PARP15: variants seen among roughly 807,000 people sequenced by gnomAD.
The protein encoded by PARP15 is protein mono-ADP-ribosyltransferase PARP15.
PARP15 carries 50 observed loss-of-function variants against 62.1 expected under a neutral mutation model. That is an observed-to-expected ratio of 0.81 (90% CI 0.64 to 1.02). The LOEUF (loss-of-function observed/expected upper bound fraction) is 1.02. PARP15 is among the 50% of genes least tolerant of loss of function. The pLI is 0.00. For missense variants in PARP15, 820 were observed against 826.5 expected (o/e 0.99, Z 0.10); for synonymous variants, 309 against 293.1 (o/e 1.05, Z -0.55).
chr3:122,632,038 G>A (rs184841032), intron 9 of PARP15, 48 bp from the exon 10 acceptor site: 1 of 1,612,364 alleles, frequency 6.2e-7, no homozygotes, highest in East Asian at 2.2e-5. Context: ...GATTTTCAGA[G>A]GTCTTTGGAA....
chr3:122,604,969 G>A (rs559338153), intron 1 of PARP15, among the ~76,000 whole-genome samples: 1 of 152,216 alleles, frequency 6.6e-6, no homozygotes, highest in Non-Finnish European at 1.5e-5. Flanking sequence ...CCGGGAGGCA[G>A]AGGTTGCAGT....
chr3:122,626,781 T>C, intron 8 of PARP15, 46 bp from the exon 9 acceptor site: 1 of 1,556,108 alleles, frequency 6.4e-7, no homozygotes, highest in South Asian at 1.2e-5. Flanking sequence ...TTCATCATAT[T>C]AGCAACATCG....
intron 5 of PARP15, 128 bp from the exon 6 acceptor site, chr3:122,616,887 C>T (rs2107555859): frequency 1.0e-6 from 1 of 979,048 alleles, no homozygotes; most frequent in Non-Finnish European, 1.5e-6. Context: ...GGAGATGTGG[C>T]AATATTTCGG....
chr3:122,616,031 T>A (rs980582168), intron 5 of PARP15, among the ~76,000 whole-genome samples, 174 bp downstream of exon 5: 3 of 152,222 alleles, frequency 2.0e-5, no homozygotes, highest in Non-Finnish European at 4.4e-5. Flanking sequence ...CAATCGCATA[T>A]TAACATGAAC....
In PARP15 at chr3:122,638,852, C is replaced by G. The variant is rs1937488000; in HGVS notation, c.*2752C>G. The G allele has an allele frequency of 6.6e-6, 1 of 151,988 alleles. No homozygotes were observed. The highest frequency in any genetic ancestry group is 1.5e-5 in the Non-Finnish European group (1 of 68,006). The allele number at this position is 151,988 out of a possible 1,614,324, so 9.4% of individuals were successfully genotyped here. ...TTTTCATTAAACATTACAAGTTGTTCTCTTGTGTTCTTATTTTTTCTGTAA... is the reference window on the plus strand; with the variant it reads ...TTTTCATTAAACATTACAAGTTGTTGTCTTGTGTTCTTATTTTTTCTGTAA... On this transcript the variant is annotated 3_prime_UTR_variant, in exon 12 of 12. Transcript: ENST00000464300.
At chr3:122,610,083 T>G (rs745867141) in intron 2 of PARP15, among the ~76,000 whole-genome samples, 3 of 152,230 alleles carry the variant, frequency 2.0e-5, no homozygotes, top group African/African-American at 4.8e-5. Context: ...CAATTCTTTC[T>G]CCCTTCCCCT....
At chr3:122,614,216 T>A (rs1230925868) in intron 4 of PARP15, among the ~76,000 whole-genome samples, 1 of 152,148 alleles carries the variant, frequency 6.6e-6, no homozygotes, top group Non-Finnish European at 1.5e-5. Flanking sequence ...AAAACGGGTG[T>A]ATTTGAAGTG....
chr3:122,635,833 C>T lies in PARP15; in HGVS notation c.1770C>T (p.Thr590=). 1.2e-6 allele frequency: 2 copies of T among 1,613,628 alleles called. No individual in the cohort carries two copies. The highest frequency in any genetic ancestry group is 1.7e-6 in the Non-Finnish European group (2 of 1,179,748). The part of the protein sequence containing the change: ...GKNAVSYGKG[T]YFAVDASYSA... The stretch of plus-strand genomic sequence containing the variant: ...CAGCTGTATCCTATGGAAAAGGAAC[C>T]TATTTTGCTGTGGATGCCAGTTATT... Residue 590 remains threonine (T), a synonymous_variant, in exon 12 of 12, where the codon ACC becomes ACT. Transcript: ENST00000464300.
At chr3:122,610,057 C>T (rs967048780) in intron 2 of PARP15, among the ~76,000 whole-genome samples, 9 of 152,198 alleles carry the variant, frequency 5.9e-5, no homozygotes, top group Admixed American at 2.6e-4. Context: ...ATTCTCAGTT[C>T]CTGCCAGGCT....
At chr3:122,617,692 A>C (rs1936072026) in intron 6 of PARP15, among the ~76,000 whole-genome samples, 1 of 152,034 alleles carries the variant, frequency 6.6e-6, no homozygotes, top group South Asian at 2.1e-4. Context: ...CCCTCCCCTC[A>C]TATGTCTATT....
At chr3:122,609,647 G>C (rs111421467) in intron 2 of PARP15, among the ~76,000 whole-genome samples, 2 of 150,410 alleles carry the variant, frequency 1.3e-5, no homozygotes, top group African/African-American at 4.9e-5. Context: ...GCAGTGAGCC[G>C]AGATCATGCC....
intron 1 of PARP15, among the ~76,000 whole-genome samples, chr3:122,582,109 G>A (rs1022386372): frequency 2.0e-5 from 3 of 151,668 alleles, no homozygotes; most frequent in Non-Finnish European, 2.9e-5. Context: ...TGGTCTACTG[G>A]TGATGAGTTC....
At chr3:122,587,281 CA>C (rs1345499743) in intron 1 of PARP15, among the ~76,000 whole-genome samples, 1 of 152,046 alleles carries the variant, frequency 6.6e-6, no homozygotes, top group Non-Finnish European at 1.5e-5. Context: ...TTTGCATGGG[CA>C]AAAGTTGTCA....
chr3:122,591,785 A>C (rs1933946806), intron 1 of PARP15, among the ~76,000 whole-genome samples: 1 of 149,772 alleles, frequency 6.7e-6, no homozygotes, highest in African/African-American at 2.4e-5. Flanking sequence ...AAAAAAAGGT[A>C]TTGATAAGAC....
intron 6 of PARP15, 55 bp downstream of exon 6, chr3:122,617,219 GA>G (rs1341251769): frequency 6.5e-7 from 1 of 1,535,468 alleles, no homozygotes; most frequent in Non-Finnish European, 8.9e-7. Context: ...TTCTGGAAGG[GA>G]AATTGTGGCT....
chr3:122,615,992 A>G (rs1935939961), intron 5 of PARP15, 135 bp downstream of exon 5: 1 of 820,932 alleles, frequency 1.2e-6, no homozygotes, highest in Non-Finnish European at 2.0e-6. Context: ...GTGTTAGAGC[A>G]TGTCCCATTG....
chr3:122,596,352 C>A (rs1934345441), intron 1 of PARP15, among the ~76,000 whole-genome samples: 1 of 43,254 alleles, frequency 2.3e-5, no homozygotes. Flanking sequence ...GAGACTCCAT[C>A]TCAAAAAAAA....
At chr3:122,614,995 A>G (rs947620466) in intron 4 of PARP15, 2 of 862,220 alleles carry the variant, frequency 2.3e-6, no homozygotes, top group African/African-American at 1.9e-5. Flanking sequence ...ATGCCACTGC[A>G]CTCCAGCCTG....
intron 10 of PARP15, among the ~76,000 whole-genome samples, chr3:122,632,668 T>C (rs544189619): frequency 6.6e-6 from 1 of 152,336 alleles, no homozygotes; most frequent in African/African-American, 2.4e-5. Context: ...GGGGTCTCTG[T>C]TTTCTCATTC....
Sources: gnomAD v4.1 joint callset for allele counts (sites outside exome capture counted in the v4.1 genomes callset) on GRCh38, gnomAD v4.1.1 for gene constraint, MANE v1.5 for transcripts, NCBI Gene and HGNC (gene_info 2026-07-23, HGNC 2026-07-21) for gene names.